Variants in SVIL observed in about 807,000 individuals in gnomAD.
SVIL encodes the protein supervillin.
SVIL carries 101 observed loss-of-function variants against 240.4 expected under a neutral mutation model. The observed-to-expected ratio is 0.42, with a 90% CI of 0.36 to 0.50. The LOEUF is 0.50. Ranked by LOEUF, SVIL falls within the 20% of genes least tolerant of loss-of-function variation. The probability of loss-of-function intolerance (pLI) is 0.01; values close to 1 mark genes in which losing one functional copy is unlikely to be tolerated. For synonymous variants in SVIL, 999 were observed against 1,100.0 expected, an observed-to-expected ratio of 0.91 and a Z score of 1.82; for missense variants, 2,512 against 2,818.7, an observed-to-expected ratio of 0.89 and a Z score of 2.46.
At chr10:29,517,606 G>T (rs1336816419) in intron 16 of SVIL, among the ~76,000 whole-genome samples, 1 of 152,186 alleles carries the variant, frequency 6.6e-6, no homozygotes, top group East Asian at 1.9e-4. Context: ...GTGGGATACC[G>T]AAGGGTGGAT....
At chr10:29,716,584 G>T (rs1335997565) in intron 1 of SVIL, among the ~76,000 whole-genome samples, 2 of 152,162 alleles carry the variant, frequency 1.3e-5, no homozygotes, top group Non-Finnish European at 2.9e-5. Context: ...AATATTAACA[G>T]ACAATTTCAG....
Position 29,531,237 on chromosome 10 carries a change from G to T in SVIL, c.2044+17C>A. 6.2e-7 allele frequency: 1 copy of T among 1,612,802 alleles called. No individual in the cohort carries two copies. Among genetic ancestry groups the T allele is most frequent in the South Asian group, 1.1e-5 (1 of 90,800 alleles). The stretch of plus-strand genomic sequence containing the variant: ...ATGAGATAATAAAGAAGAAAAAAAA[G>T]GGAAACAGGTACTTGCCATCGACAG... On this transcript the variant is annotated intron_variant, in intron 10 of 37. Transcript: ENST00000355867.
At chr10:29,510,548 C>T (rs555540884) in intron 17 of SVIL, among the ~76,000 whole-genome samples, 536 of 151,640 alleles carry the variant, frequency 3.5e-3, no homozygotes, top group African/African-American at 0.012. Context: ...CCGTGAAGGG[C>T]GTGATGAGCT....
chr10:29,659,913 T>C (rs1358641047), intron 2 of SVIL, among the ~76,000 whole-genome samples: 1 of 152,326 alleles, frequency 6.6e-6, no homozygotes, highest in East Asian at 1.9e-4. Context: ...CTTTTTCCCC[T>C]GGGACTCCTC....
At chr10:29,503,032 AT>A (rs773040706) in intron 17 of SVIL, among the ~76,000 whole-genome samples, 6 of 152,140 alleles carry the variant, frequency 3.9e-5, no homozygotes, top group Non-Finnish European at 5.9e-5. Context: ...GGCTTTTAAA[AT>A]TTTTTTTATC....
At chr10:29,711,329 G>A (rs2132668229) in intron 1 of SVIL, among the ~76,000 whole-genome samples, 1 of 152,348 alleles carries the variant, frequency 6.6e-6, no homozygotes, top group Middle Eastern at 3.4e-3. Context: ...GAACCTGGGA[G>A]GTGGAAATTG....
intron 34 of SVIL, among the ~76,000 whole-genome samples, chr10:29,464,430 C>T (rs1944644604): frequency 6.6e-6 from 1 of 152,114 alleles, no homozygotes; most frequent in Admixed American, 6.5e-5. Context: ...CAGAGTAAGA[C>T]CCTGTCTCTA....
intron 10 of SVIL, 57 bp downstream of exon 10, chr10:29,531,197 T>C: frequency 6.4e-7 from 1 of 1,566,194 alleles, no homozygotes; most frequent in Non-Finnish European, 8.7e-7. Context: ...AACCTTATTA[T>C]TAAATCCAGT....
Position 29,551,220 on chromosome 10 carries a change from T to C in SVIL, c.204A>G (p.Glu68=), listed in dbSNP as rs138919577. 175 of 1,608,566 alleles carry C rather than the reference T, an allele frequency of 1.1e-4. No individual in the cohort carries two copies. The highest frequency in any genetic ancestry group is 9.9e-4 in the Middle Eastern group (6 of 6,036). The change falls in exon 6 of 38, where the codon GAA becomes GAG. Residue 68 remains glutamate, a synonymous_variant. Transcript: ENST00000355867. ...TGCAGTATTTGGATCGAGTTTGCTT[T>C]TCTAGAGAAGAATCAGAAGTTTCCT... ...EEEETSDSSL[E]KQTRSKYCTE...
intron 1 of SVIL, among the ~76,000 whole-genome samples, chr10:29,692,685 G>T (rs998372513): frequency 1.3e-5 from 2 of 151,190 alleles, no homozygotes; most frequent in African/African-American, 4.9e-5. Flanking sequence ...TAAGGGCAAG[G>T]TCTCCCTATG....
intron 1 of SVIL, among the ~76,000 whole-genome samples, chr10:29,583,851 G>A (rs1189714925): frequency 1.3e-5 from 2 of 152,194 alleles, no homozygotes; most frequent in African/African-American, 4.8e-5. Context: ...AATGACTCAA[G>A]ACACGTTTAT....
chr10:29,634,804 GA>G lies in SVIL; in HGVS notation c.-586del, dbSNP rs1019526348. On this transcript the variant is annotated 5_prime_UTR_variant, in exon 1 of 38. The change abolishes the stop of an existing upstream ORF in the 5' untranslated region. Transcript: ENST00000355867. ...CATCCCAAAAGTTCCTCTCCAAAAA[GA>G]ACGCCAAAATATTAATAAAAAGAGT... 2 of 152,242 alleles carry G rather than the reference GA, an allele frequency of 1.3e-5. No individual in the cohort carries two copies. Among genetic ancestry groups the G allele is most frequent in the South Asian group, 2.1e-4 (1 of 4,820 alleles). The allele number at this position is 152,242 out of a possible 1,614,324, so 9.4% of individuals were successfully genotyped here.
intron 1 of SVIL, among the ~76,000 whole-genome samples, chr10:29,579,298 T>C (rs974684278): frequency 5.3e-5 from 8 of 151,664 alleles, no homozygotes; most frequent in African/African-American, 1.5e-4. Flanking sequence ...ATTAGCTGGG[T>C]GTGGTGGCGG....
At chr10:29,485,737 T>G (rs1437637801) in intron 26 of SVIL, among the ~76,000 whole-genome samples, 1 of 152,240 alleles carries the variant, frequency 6.6e-6, no homozygotes, top group African/African-American at 2.4e-5. Context: ...AAATTATATA[T>G]GCATGCATCT....
chr10:29,560,244 G>A (rs1248912772), intron 3 of SVIL, among the ~76,000 whole-genome samples: 1 of 152,226 alleles, frequency 6.6e-6, no homozygotes, highest in Non-Finnish European at 1.5e-5. Flanking sequence ...ATAAGGGGGA[G>A]AGGTGACAGC....
At position 29,474,940 on chromosome 10, in the gene SVIL, A is replaced by G. The variant is rs550169296; in HGVS notation, c.5378-951T>C. Among the ~76,000 whole-genome samples, 285 of 152,350 alleles carry G rather than the reference A, an allele frequency of 1.9e-3. 13 individuals carry two copies. The South Asian group carries it at 0.058, about 31-fold the overall frequency. On this transcript the variant is annotated intron_variant, in intron 29 of 37. Coordinates refer to ENST00000355867, the MANE Select transcript of SVIL (RefSeq NM_021738.3). Reference sequence around the variant, plus strand: ...TGTCACCAGGGCTGCTGCCAGGATTAAGTGCTGATGGTCCCCATGGCTGGA... The same window carrying G: ...TGTCACCAGGGCTGCTGCCAGGATTGAGTGCTGATGGTCCCCATGGCTGGA...
intron 1 of SVIL, among the ~76,000 whole-genome samples, chr10:29,720,643 T>C (rs1275200035): frequency 6.6e-6 from 1 of 152,218 alleles, no homozygotes; most frequent in East Asian, 1.9e-4. Flanking sequence ...GCTTTCTCCT[T>C]ATTATTTAAG....
At chr10:29,722,954 C>A (rs950345229) in intron 1 of SVIL, among the ~76,000 whole-genome samples, 7 of 152,338 alleles carry the variant, frequency 4.6e-5, no homozygotes, top group Admixed American at 2.0e-4. Flanking sequence ...TCCTCTCAAG[C>A]CTTGATGTTG....
chr10:29,595,391 T>C (rs1225635867), intron 1 of SVIL, among the ~76,000 whole-genome samples: 1 of 152,098 alleles, frequency 6.6e-6, no homozygotes, highest in African/African-American at 2.4e-5. Flanking sequence ...AGGGTATGGA[T>C]GGCAGGTGAG....
Sources: gnomAD v4.1 joint callset for allele counts (sites outside exome capture counted in the v4.1 genomes callset) on GRCh38, gnomAD v4.1.1 for gene constraint, MANE v1.5 for transcripts, NCBI Gene and HGNC (gene_info 2026-07-23, HGNC 2026-07-21) for gene names.